THEMIS: variants seen among roughly 807,000 people sequenced by gnomAD.
The protein encoded by THEMIS is protein THEMIS.
A neutral mutation model predicts 52.6 loss-of-function variants in THEMIS; 37 were observed. The ratio of observed to expected loss-of-function variants is 0.70; its 90% CI spans 0.54 to 0.93. The LOEUF (loss-of-function observed/expected upper bound fraction) is 0.93. THEMIS is among the 40% of genes least tolerant of loss of function. The pLI is 0.00. For missense variants in THEMIS, 808 were observed against 763.1 expected (o/e 1.06, Z -0.69); for synonymous variants, 292 against 272.7 (o/e 1.07, Z -0.70).
In THEMIS at chr6:127,855,046, C is replaced by A; in HGVS notation, c.234G>T (p.Leu78=). ...GTGCTGTACCTGGAAAATTCATAGG[C>A]AGTTCAAATGGCTGTAGAGACTCAC... ...EGCESLQPFE[L]PMNFPGLFKI... is the part of the protein sequence containing the mutation. The change falls in exon 2 of 6, where the codon CTG becomes CTT. Residue 78 remains leucine (L), a synonymous_variant. Coordinates refer to ENST00000368248, the MANE Select transcript of THEMIS (RefSeq NM_001010923.3). The A allele has an allele frequency of 6.2e-7, 1 of 1,604,590 alleles. No homozygotes were observed. Among genetic ancestry groups the A allele is most frequent in the Admixed American group, 1.7e-5 (1 of 58,202 alleles).
intron 4 of THEMIS, among the ~76,000 whole-genome samples, chr6:127,757,138 T>G (rs570521567): frequency 9.2e-5 from 14 of 152,292 alleles, no homozygotes; most frequent in African/African-American, 3.1e-4. Context: ...TTCAAATAAA[T>G]AAGTAAAATT....
At chr6:127,760,273 T>A (rs1345016346) in intron 4 of THEMIS, among the ~76,000 whole-genome samples, 1 of 152,138 alleles carries the variant, frequency 6.6e-6, no homozygotes, top group African/African-American at 2.4e-5. Flanking sequence ...ACCATACTGT[T>A]TTGATTATTG....
At chr6:127,800,676 A>C (rs1777501882) in intron 4 of THEMIS, among the ~76,000 whole-genome samples, 1 of 152,238 alleles carries the variant, frequency 6.6e-6, no homozygotes, top group African/African-American at 2.4e-5. Context: ...CTGAGTGGAC[A>C]CAATCAAATC....
intron 1 of THEMIS, among the ~76,000 whole-genome samples, chr6:127,856,727 T>C (rs182459929): frequency 6.6e-6 from 1 of 152,150 alleles, no homozygotes; most frequent in Admixed American, 6.6e-5. Context: ...TTCCCTTAAC[T>C]ACATATGTGC....
chr6:127,813,346 C>T lies in THEMIS; in HGVS notation c.1295G>A (p.Gly432Glu), dbSNP rs758582495. ...EAALLPLYME[G>E]GFVEVIHDKK... ...ATCATGAATCACCTCTACAAAACCTCCTTCCATGTACAAAGGGAGCAGCGC... is the reference window on the plus strand; with the variant it reads ...ATCATGAATCACCTCTACAAAACCTTCTTCCATGTACAAAGGGAGCAGCGC... The change falls in exon 4 of 6, where the codon GGA becomes GAA. Residue 432 changes from glycine to glutamate, a missense_variant. Transcript: ENST00000368248. 1 of 1,614,144 alleles carries T rather than the reference C, an allele frequency of 6.2e-7. No individual in the cohort carries two copies. The highest frequency in any genetic ancestry group is 2.2e-5 in the East Asian group (1 of 44,876).
intron 1 of THEMIS, among the ~76,000 whole-genome samples, chr6:127,874,772 T>A (rs1780265004): frequency 6.6e-6 from 1 of 152,224 alleles, no homozygotes; most frequent in Admixed American, 6.5e-5. Context: ...TGTGATGATA[T>A]AAATATTTTG....
At chr6:127,720,579 G>A (rs1352908396) in intron 4 of THEMIS, among the ~76,000 whole-genome samples, 14 of 151,972 alleles carry the variant, frequency 9.2e-5, no homozygotes, top group Non-Finnish European at 5.9e-5. Flanking sequence ...AATATGTGAA[G>A]ATTCTCAGCG....
intron 4 of THEMIS, among the ~76,000 whole-genome samples, chr6:127,797,881 C>T (rs1777383472): frequency 6.6e-6 from 1 of 152,210 alleles, no homozygotes; most frequent in Non-Finnish European, 1.5e-5. Context: ...GGACCTTCAC[C>T]TTCCAAGTCC....
chr6:127,913,133 C>G (rs699416), intron 1 of THEMIS, among the ~76,000 whole-genome samples: 1 of 152,006 alleles, frequency 6.6e-6, no homozygotes. Context: ...AGGACCATTA[C>G]GACATTGGAC....
chr6:127,825,703 C>T (rs1778484540), intron 3 of THEMIS, among the ~76,000 whole-genome samples: 2 of 152,006 alleles, frequency 1.3e-5, no homozygotes, highest in African/African-American at 4.8e-5. Flanking sequence ...ATAAGCAATT[C>T]CAATTGGAAC....
At chr6:127,894,335 G>A (rs1368140038) in intron 1 of THEMIS, among the ~76,000 whole-genome samples, 7 of 151,534 alleles carry the variant, frequency 4.6e-5, no homozygotes, top group Non-Finnish European at 2.9e-5. Flanking sequence ...TATCAATCTC[G>A]AACAAAATAC....
At chr6:127,909,109 A>G (rs562046046) in intron 1 of THEMIS, among the ~76,000 whole-genome samples, 1 of 152,072 alleles carries the variant, frequency 6.6e-6, no homozygotes. Flanking sequence ...TATCTAGTTT[A>G]GTAAATTCAA....
chr6:127,734,094 C>T (rs1226004890), intron 4 of THEMIS, among the ~76,000 whole-genome samples: 2 of 151,786 alleles, frequency 1.3e-5, no homozygotes, highest in Non-Finnish European at 2.9e-5. Context: ...TACAGTTTCT[C>T]CAACAAATTG....
At chr6:127,765,200 G>T (rs1776155861) in intron 4 of THEMIS, among the ~76,000 whole-genome samples, 1 of 152,044 alleles carries the variant, frequency 6.6e-6, no homozygotes, top group Admixed American at 6.6e-5. Context: ...AAAGTCATTT[G>T]AGAGATAAGA....
intron 4 of THEMIS, among the ~76,000 whole-genome samples, chr6:127,786,583 C>A (rs1776955988): frequency 6.6e-6 from 1 of 152,066 alleles, no homozygotes; most frequent in Non-Finnish European, 1.5e-5. Context: ...CTTTCTTAAG[C>A]CTCACAACAA....
rs911373928 is a variant in THEMIS at position 127,770,271 on chromosome 6, G to A, written c.1758+42612C>T. On this transcript the variant is annotated intron_variant, in intron 4 of 5. Coordinates refer to ENST00000368248, the MANE Select transcript of THEMIS (RefSeq NM_001010923.3). ...AAAAGCATTCGTATTTCTCCACATC[G>A]TCTCCAGCACCTATTGTTTCCTGAC... 2.0e-4 allele frequency among the ~76,000 whole-genome samples: 30 copies of A among 152,088 alleles called. 1 individual carries two copies. The highest frequency in any genetic ancestry group is 1.2e-3 in the South Asian group (6 of 4,816).
chr6:127,845,013 G>A (rs1466984854), intron 2 of THEMIS, among the ~76,000 whole-genome samples: 1 of 151,398 alleles, frequency 6.6e-6, no homozygotes, highest in Non-Finnish European at 1.5e-5. Flanking sequence ...GAAACCAGTG[G>A]TGCATATATT....
chr6:127,765,730 C>T (rs955256145), intron 4 of THEMIS, among the ~76,000 whole-genome samples: 1 of 151,956 alleles, frequency 6.6e-6, no homozygotes, highest in Non-Finnish European at 1.5e-5. Flanking sequence ...CTCCAGTATT[C>T]AGTACAATAA....
At chr6:127,820,539 A>G (rs953818821) in intron 3 of THEMIS, among the ~76,000 whole-genome samples, 1 of 152,134 alleles carries the variant, frequency 6.6e-6, no homozygotes, top group Non-Finnish European at 1.5e-5. Context: ...AGGAATGTAT[A>G]ACTACTTCAG....
Sources: gnomAD v4.1 joint callset for allele counts (sites outside exome capture counted in the v4.1 genomes callset) on GRCh38, gnomAD v4.1.1 for gene constraint, MANE v1.5 for transcripts, NCBI Gene and HGNC (gene_info 2026-07-23, HGNC 2026-07-21) for gene names.